MACROD2: variants seen among roughly 807,000 people sequenced by gnomAD.
MACROD2 encodes ADP-ribose glycohydrolase MACROD2.
Under a neutral mutation model 70.4 loss-of-function variants are expected in MACROD2, and 36 were observed. That is an observed-to-expected ratio of 0.51 (90% CI 0.39 to 0.68). MACROD2 has a LOEUF of 0.68. Among genes scored for constraint, MACROD2 ranks in the 30% least tolerant of loss-of-function variants. MACROD2 has a pLI of 0.00. For synonymous variants in MACROD2, 172 were observed against 178.8 expected, an observed-to-expected ratio of 0.96 and a Z score of 0.30; for missense variants, 496 against 538.4, an observed-to-expected ratio of 0.92 and a Z score of 0.78.
intron 3 of MACROD2, among the ~76,000 whole-genome samples, chr20:14,096,259 CAA>C (rs1312564115): frequency 6.6e-6 from 1 of 151,264 alleles, no homozygotes; most frequent in Admixed American, 6.6e-5. Flanking sequence ...TTTGTTGATG[CAA>C]AGAGAGTTAG....
chr20:15,616,882 T>G (rs1438667920), intron 8 of MACROD2, among the ~76,000 whole-genome samples: 1 of 152,228 alleles, frequency 6.6e-6, no homozygotes, highest in Non-Finnish European at 1.5e-5. Flanking sequence ...TAGAGTGGTG[T>G]ACCCATATGG....
At chr20:14,140,871 G>A (rs2054863899) in intron 3 of MACROD2, among the ~76,000 whole-genome samples, 1 of 152,142 alleles carries the variant, frequency 6.6e-6, no homozygotes, top group African/African-American at 2.4e-5. Context: ...CCTCTATATG[G>A]ATCTTTCCTT....
chr20:15,618,473 T>C (rs925302963), intron 8 of MACROD2, among the ~76,000 whole-genome samples: 1 of 152,218 alleles, frequency 6.6e-6, no homozygotes, highest in African/African-American at 2.4e-5. Context: ...CCGTCAGGAA[T>C]GTTTTTATCA....
intron 7 of MACROD2, among the ~76,000 whole-genome samples, chr20:15,474,248 A>T (rs2046994169): frequency 6.6e-6 from 1 of 152,182 alleles, no homozygotes; most frequent in Admixed American, 6.5e-5. Flanking sequence ...TTTATGCTTT[A>T]GCTTTCCAAA....
chr20:15,237,946 G>C (rs1031689134), intron 6 of MACROD2, among the ~76,000 whole-genome samples: 3 of 152,238 alleles, frequency 2.0e-5, no homozygotes, highest in African/African-American at 7.2e-5. Flanking sequence ...AAGATGCTGT[G>C]GATGGGCATG....
chr20:14,260,744 A>G (rs2082094854), intron 3 of MACROD2, among the ~76,000 whole-genome samples: 1 of 152,208 alleles, frequency 6.6e-6, no homozygotes, highest in African/African-American at 2.4e-5. Context: ...TTATTTGTCT[A>G]TAAAACATTT....
At chr20:14,824,926 C>T (rs1013506747) in intron 5 of MACROD2, among the ~76,000 whole-genome samples, 3 of 152,064 alleles carry the variant, frequency 2.0e-5, no homozygotes, top group Non-Finnish European at 2.9e-5. Context: ...AGGTCTTATT[C>T]GTCCCATTTT....
intron 6 of MACROD2, among the ~76,000 whole-genome samples, chr20:15,400,240 G>T (rs2146306550): frequency 6.6e-6 from 1 of 152,226 alleles, no homozygotes; most frequent in South Asian, 2.1e-4. Flanking sequence ...GGCTGAGTTA[G>T]TGTGGCAGCT....
chr20:14,966,508 C>T (rs1458425306), intron 5 of MACROD2, among the ~76,000 whole-genome samples: 1 of 152,098 alleles, frequency 6.6e-6, no homozygotes, highest in African/African-American at 2.4e-5. Flanking sequence ...GCCAGGTTGT[C>T]AAGGGTGCAG....
intron 5 of MACROD2, among the ~76,000 whole-genome samples, chr20:14,716,102 G>A (rs2071394260): frequency 6.6e-6 from 1 of 152,126 alleles, no homozygotes; most frequent in South Asian, 2.1e-4. Context: ...TGATATGAAG[G>A]CGTTTTCCTT....
intron 8 of MACROD2, among the ~76,000 whole-genome samples, chr20:15,816,338 C>T (rs184956264): frequency 3.1e-4 from 47 of 152,184 alleles, no homozygotes; most frequent in African/African-American, 1.0e-3. Context: ...TCAACTCCAT[C>T]GAACCCCCAA....
chr20:14,337,344 A>T (rs2082956840), intron 3 of MACROD2: 1 of 313,568 alleles, frequency 3.2e-6, no homozygotes, highest in Non-Finnish European at 5.8e-6. Context: ...TTCTTTCTAG[A>T]GAGTAAAACC....
chr20:15,746,037 G>C (rs2051178090), intron 8 of MACROD2, among the ~76,000 whole-genome samples: 1 of 152,134 alleles, frequency 6.6e-6, no homozygotes, highest in Non-Finnish European at 1.5e-5. Flanking sequence ...ATAAGTCTTA[G>C]AATTAGTTTG....
intron 5 of MACROD2, among the ~76,000 whole-genome samples, chr20:15,108,128 C>A (rs2075926062): frequency 6.6e-6 from 1 of 152,002 alleles, no homozygotes; most frequent in Admixed American, 6.6e-5. Flanking sequence ...CCCTTCTTAG[C>A]TATGTGATAC....
intron 3 of MACROD2, among the ~76,000 whole-genome samples, chr20:14,392,788 G>T (rs2083541272): frequency 6.6e-6 from 1 of 152,006 alleles, no homozygotes; most frequent in Non-Finnish European, 1.5e-5. Context: ...CCCACCTTAG[G>T]TTTCTTATAT....
intron 2 of MACROD2, among the ~76,000 whole-genome samples, chr20:14,047,904 C>A (rs2053502018): frequency 6.6e-6 from 1 of 151,456 alleles, no homozygotes; most frequent in Non-Finnish European, 1.5e-5. Context: ...TTGGTAAAAT[C>A]AAATATTTAT....
chr20:15,918,281 A>T (rs935537547), intron 10 of MACROD2, among the ~76,000 whole-genome samples: 3 of 152,220 alleles, frequency 2.0e-5, no homozygotes, highest in African/African-American at 7.2e-5. Context: ...GAAATTATTT[A>T]TTCTTGTAAA....
chr20:15,486,505 A>G (rs2047165214), intron 7 of MACROD2, among the ~76,000 whole-genome samples: 1 of 152,160 alleles, frequency 6.6e-6, no homozygotes. Context: ...CCCCTCTTAT[A>G]TGTTACCGGT....
At chr20:15,425,757 C>T (rs2046289207) in intron 6 of MACROD2, among the ~76,000 whole-genome samples, 1 of 152,086 alleles carries the variant, frequency 6.6e-6, no homozygotes. Flanking sequence ...TCATTTCTAC[C>T]CAGACTGCAA....
Sources: gnomAD v4.1 joint callset for allele counts (sites outside exome capture counted in the v4.1 genomes callset) on GRCh38, gnomAD v4.1.1 for gene constraint, MANE v1.5 for transcripts, NCBI Gene and HGNC (gene_info 2026-07-23, HGNC 2026-07-21) for gene names.